The following RPN2 variants were observed in gnomAD, a reference collection of about 807,000 sequenced individuals.
The protein encoded by RPN2 is dolichyl-diphosphooligosaccharide--protein glycosyltransferase subunit 2.
In RPN2, 29 loss-of-function variants were observed where a neutral mutation model predicts 71.4. That is an observed-to-expected ratio of 0.41 (90% CI 0.30 to 0.55). The LOEUF (loss-of-function observed/expected upper bound fraction) is 0.55. Among genes scored for constraint, RPN2 ranks in the 20% least tolerant of loss-of-function variants. The pLI, the probability that RPN2 is intolerant of heterozygous loss-of-function variation, is 0.35. For synonymous variants in RPN2, 308 were observed against 305.0 expected (o/e 1.01, Z -0.10); for missense variants, 726 against 774.1 (o/e 0.94, Z 0.74).
At chr20:37,235,524 C>T (rs1289267440) in intron 15 of RPN2, among the ~76,000 whole-genome samples, 1 of 152,242 alleles carries the variant, frequency 6.6e-6, no homozygotes, top group Non-Finnish European at 1.5e-5. Context: ...GCCCTTTTCA[C>T]TCAGCCTTCT....
intron 4 of RPN2, 110 bp downstream of exon 4, chr20:37,199,335 A>G (rs916026225): frequency 1.4e-5 from 19 of 1,361,102 alleles, no homozygotes; most frequent in Non-Finnish European, 1.5e-5. Context: ...CTTGCAGTAA[A>G]TACTTCCGTG....
chr20:37,193,808 T>C (rs1219975227), intron 2 of RPN2, among the ~76,000 whole-genome samples: 1 of 152,118 alleles, frequency 6.6e-6, no homozygotes, highest in East Asian at 1.9e-4. Context: ...GTCATGTAAG[T>C]GGCTGTTGAG....
intron 16 of RPN2, chr20:37,238,438 T>C (rs764664498): frequency 1.6e-5 from 25 of 1,608,090 alleles, no homozygotes; most frequent in Non-Finnish European, 2.0e-5. Flanking sequence ...TGGCAAAATA[T>C]AGGACACTAC....
rs190425352 is a variant in RPN2, at chr20:37,195,130, C to T, written c.208-3267C>T. ...TAGGGGGCAGTTTTCAGCCTTCAGT[C>T]GGGAAGATGAGTCTAGAACGTTGGA... On this transcript the variant is annotated intron_variant, in intron 2 of 16. Coordinates refer to ENST00000237530, the MANE Select transcript of RPN2 (RefSeq NM_002951.5). 1.4e-4 allele frequency among the ~76,000 whole-genome samples: 22 copies of T among 152,124 alleles called. No individual in the cohort carries two copies. In the South Asian group the frequency reaches 4.4e-3, roughly 30 times the overall value.
chr20:37,187,039 C>G (rs2067022629), intron 2 of RPN2, among the ~76,000 whole-genome samples: 2 of 152,138 alleles, frequency 1.3e-5, no homozygotes. Context: ...CTGGTTATTT[C>G]ACTTTTAGTG....
At chr20:37,203,812 T>C in intron 4 of RPN2, 73 bp from the exon 5 acceptor site, 1 of 1,039,400 alleles carries the variant, frequency 9.6e-7, no homozygotes, top group Non-Finnish European at 1.5e-6. Flanking sequence ...TGTGAAAGTG[T>C]CCAAGTACGG....
intron 8 of RPN2, among the ~76,000 whole-genome samples, chr20:37,210,783 C>T (rs1279608877): frequency 3.9e-5 from 6 of 152,088 alleles, no homozygotes; most frequent in African/African-American, 1.2e-4. Flanking sequence ...CCACCTGCCT[C>T]GGCCTCCCTA....
chr20:37,237,389 G>C (rs1016164), intron 16 of RPN2, among the ~76,000 whole-genome samples: 11 of 152,038 alleles, frequency 7.2e-5, no homozygotes, highest in Non-Finnish European at 1.2e-4. Flanking sequence ...TTTCAGACAC[G>C]CAAAGGCCAG....
intron 2 of RPN2, among the ~76,000 whole-genome samples, chr20:37,186,660 T>C (rs1177113156): frequency 1.3e-5 from 2 of 152,228 alleles, no homozygotes; most frequent in Non-Finnish European, 2.9e-5. Flanking sequence ...TGTTCAGTTA[T>C]CTTGAGTTAT....
intron 8 of RPN2, among the ~76,000 whole-genome samples, chr20:37,211,104 G>A (rs578230180): frequency 1.7e-4 from 26 of 151,144 alleles, no homozygotes; most frequent in African/African-American, 5.8e-4. Context: ...GTGTGATCTC[G>A]GCTCACTGCA....
At position 37,213,749 on chromosome 20, in the gene RPN2, A is replaced by C; in HGVS notation, c.987-11A>C. On this transcript the variant is annotated splice_polypyrimidine_tract_variant and intron_variant, in intron 8 of 16. Coordinates refer to ENST00000237530, the MANE Select transcript of RPN2 (RefSeq NM_002951.5). ...CTGAGTTCTTGCTAAGCCCATTGTC[A>C]TTCTTAACAGGGATGTTTTTGAACT... 1 of 1,602,752 alleles carries C rather than the reference A, an allele frequency of 6.2e-7. No individual in the cohort carries two copies. The highest frequency in any genetic ancestry group is 8.5e-7 in the Non-Finnish European group (1 of 1,169,706).
At chr20:37,206,911 A>G (rs892014610) in intron 6 of RPN2, among the ~76,000 whole-genome samples, 2 of 151,960 alleles carry the variant, frequency 1.3e-5, no homozygotes, top group African/African-American at 4.8e-5. Context: ...GTTTTTCTCT[A>G]TGTTAGTCAG....
chr20:37,189,518 A>G (rs919833352), intron 2 of RPN2, among the ~76,000 whole-genome samples: 8 of 152,178 alleles, frequency 5.3e-5, no homozygotes, highest in East Asian at 1.9e-4. Context: ...AGCTTACTCA[A>G]ATTTTTTCCT....
At chr20:37,191,595 G>A (rs889929502) in intron 2 of RPN2, among the ~76,000 whole-genome samples, 1 of 150,106 alleles carries the variant, frequency 6.7e-6, no homozygotes, top group Non-Finnish European at 1.5e-5. Context: ...GTGAAACCCC[G>A]TCTCTACTAA....
chr20:37,182,582 G>C lies in RPN2; in HGVS notation c.14-1598G>C, dbSNP rs1023623849. ...ATTTTTGTATTTTCTTTTTTGTAGA[G>C]AAAGGGTTTCGCCATGTCGCCTGGT... On this transcript the variant is annotated intron_variant, in intron 1 of 16. Transcript: ENST00000237530. Among the ~76,000 whole-genome samples, 14 of 152,042 alleles carry C rather than the reference G, an allele frequency of 9.2e-5. 1 individual carries two copies. Among genetic ancestry groups the C allele is most frequent in the Non-Finnish European group, 1.8e-4 (12 of 67,998 alleles).
chr20:37,203,603 A>G (rs371802974), intron 4 of RPN2, among the ~76,000 whole-genome samples: 3 of 152,114 alleles, frequency 2.0e-5, no homozygotes, highest in East Asian at 3.9e-4. Flanking sequence ...CAGACTCCCA[A>G]AATGCTGGGA....
chr20:37,218,092 C>T (rs1223975548), intron 9 of RPN2, among the ~76,000 whole-genome samples: 1 of 152,088 alleles, frequency 6.6e-6, no homozygotes, highest in Non-Finnish European at 1.5e-5. Flanking sequence ...GTATAATTCT[C>T]ATACCATAAA....
chr20:37,221,126 A>T (rs2067945813), intron 9 of RPN2, among the ~76,000 whole-genome samples: 1 of 152,074 alleles, frequency 6.6e-6, no homozygotes, highest in South Asian at 2.1e-4. Flanking sequence ...CAGGATTCTA[A>T]GTGAAAACCT....
rs3790152 is a variant in RPN2 at position 37,231,220 on chromosome 20, G to C, written c.1582-1076G>C. The stretch of plus-strand genomic sequence containing the variant: ...GGAAAGTGAGGTGAAGAGTGGGAAA[G>C]TGACTTCCCTTCTGGTCACACAGCC... On this transcript the variant is annotated intron_variant, in intron 13 of 16. Transcript: ENST00000237530. 4.7e-3 allele frequency among the ~76,000 whole-genome samples: 715 copies of C among 152,150 alleles called. 11 individuals are homozygous for C. Among genetic ancestry groups the C allele is most frequent in the East Asian group, 0.03 (154 of 5,146 alleles).
Sources: gnomAD v4.1 joint callset for allele counts (sites outside exome capture counted in the v4.1 genomes callset) on GRCh38, gnomAD v4.1.1 for gene constraint, MANE v1.5 for transcripts, NCBI Gene and HGNC (gene_info 2026-07-23, HGNC 2026-07-21) for gene names.